MRPS31: variants seen among roughly 807,000 people sequenced by gnomAD.
The protein encoded by MRPS31 is mitochondrial ribosomal protein S31, also known as small ribosomal subunit protein mS31.
Under a neutral mutation model 43.1 loss-of-function variants are expected in MRPS31, and 32 were observed. The observed-to-expected ratio is 0.74, with a 90% confidence interval of 0.56 to 1.00. The LOEUF is 1.00. Among genes scored for constraint, MRPS31 ranks in the 50% least tolerant of loss-of-function variants. MRPS31 has a pLI of 0.00. For synonymous variants in MRPS31, 165 were observed against 161.6 expected, an observed-to-expected ratio of 1.02 and a Z score of -0.16; for missense variants, 437 against 466.7, an observed-to-expected ratio of 0.94 and a Z score of 0.59.
chr13:40,750,239 A>G (rs186732196), intron 5 of MRPS31, among the ~76,000 whole-genome samples: 2 of 152,312 alleles, frequency 1.3e-5, no homozygotes, highest in South Asian at 4.1e-4. Flanking sequence ...TGAATCTCAA[A>G]TCATTATGCT....
intron 2 of MRPS31, among the ~76,000 whole-genome samples, chr13:40,764,011 T>C (rs77473576): frequency 0.031 from 4,685 of 152,210 alleles, 338 homozygotes; most frequent in East Asian, 0.28. Context: ...TAGCTAAAGA[T>C]GAGTAGAGAA....
At chr13:40,760,151 A>C in intron 2 of MRPS31, among the ~76,000 whole-genome samples, 2 of 146,574 alleles carry the variant, frequency 1.4e-5, no homozygotes, top group African/African-American at 5.4e-5. Context: ...AAAAAAAAAA[A>C]AAAAACTGTA....
intron 5 of MRPS31, among the ~76,000 whole-genome samples, chr13:40,751,340 T>C (rs1346560660): frequency 1.3e-5 from 2 of 152,260 alleles, no homozygotes; most frequent in Admixed American, 1.3e-4. Context: ...TTGTTAAATA[T>C]GTACTATGTT....
At chr13:40,746,665 A>T (rs987311875) in intron 6 of MRPS31, among the ~76,000 whole-genome samples, 5 of 152,236 alleles carry the variant, frequency 3.3e-5, no homozygotes, top group African/African-American at 7.2e-5. Context: ...ACATACCATG[A>T]GTTCGTGCTT....
chr13:40,739,530 T>C (rs1202052326), intron 6 of MRPS31, among the ~76,000 whole-genome samples: 2 of 152,194 alleles, frequency 1.3e-5, no homozygotes, highest in African/African-American at 4.8e-5. Context: ...ACTACCTGAC[T>C]TCAAACTATA....
Position 40,758,970 on chromosome 13 carries a change from C to T in MRPS31, c.577G>A (p.Asp193Asn). 1 of 1,589,454 alleles carries T rather than the reference C, an allele frequency of 6.3e-7. No individual in the cohort carries two copies. Residue 193 changes from aspartate to asparagine, a missense_variant, in exon 3 of 7, where the codon GAT becomes AAT. Asp to Asn is a conservative substitution (Grantham distance 23). Coordinates refer to ENST00000323563, the MANE Select transcript of MRPS31 (RefSeq NM_005830.4). Reference sequence around the variant, plus strand: ...CACCTAATTTTAGGTCGCTTTGCATCTCTCTGTGCCCTTGACTCTTCCTCA... The same window carrying T: ...CACCTAATTTTAGGTCGCTTTGCATTTCTCTGTGCCCTTGACTCTTCCTCA... ...QHEEESRAQR[D>N]AKRPKISFSN...
intron 2 of MRPS31, among the ~76,000 whole-genome samples, chr13:40,760,116 G>A (rs1880649819): frequency 1.5e-5 from 2 of 130,154 alleles, no homozygotes; most frequent in African/African-American, 5.9e-5. Flanking sequence ...CAGCCTGGGT[G>A]TCAGAACTAG....
chr13:40,734,497 T>C (rs1458877442), intron 6 of MRPS31, among the ~76,000 whole-genome samples: 1 of 152,156 alleles, frequency 6.6e-6, no homozygotes, highest in East Asian at 1.9e-4. Flanking sequence ...GTAGGAAAAC[T>C]TAGCTAGAGA....
At chr13:40,759,141 A>G in intron 2 of MRPS31, 35 bp from the exon 3 acceptor site, 1 of 1,526,862 alleles carries the variant, frequency 6.5e-7, no homozygotes, top group Non-Finnish European at 8.8e-7. Context: ...TGAGAAAGAA[A>G]AAAAAAGAGA....
At chr13:40,758,734 C>T (rs1880604732) in intron 3 of MRPS31, among the ~76,000 whole-genome samples, 1 of 152,008 alleles carries the variant, frequency 6.6e-6, no homozygotes. Context: ...CTGTAACTTC[C>T]TAAAAGGAAA....
At chr13:40,750,562 T>C (rs1880357522) in intron 5 of MRPS31, among the ~76,000 whole-genome samples, 1 of 151,874 alleles carries the variant, frequency 6.6e-6, no homozygotes, top group Non-Finnish European at 1.5e-5. Flanking sequence ...AAAAAGAAAA[T>C]GAATATCAAT....
intron 6 of MRPS31, among the ~76,000 whole-genome samples, chr13:40,733,393 G>T (rs1218327660): frequency 6.6e-6 from 1 of 152,028 alleles, no homozygotes; most frequent in Non-Finnish European, 1.5e-5. Context: ...CCGGAGCATA[G>T]AACAAAAGGA....
intron 6 of MRPS31, among the ~76,000 whole-genome samples, chr13:40,733,445 C>T (rs559027784): frequency 7.2e-5 from 11 of 152,188 alleles, no homozygotes; most frequent in African/African-American, 2.6e-4. Context: ...TCAAATGATA[C>T]AAGAAAATTT....
chr13:40,768,805 C>T (rs1376656495), intron 1 of MRPS31, among the ~76,000 whole-genome samples: 5 of 152,158 alleles, frequency 3.3e-5, no homozygotes, highest in East Asian at 1.9e-4. Flanking sequence ...TCCCAGGTGA[C>T]GCTAACGCTG....
Position 40,757,010 on chromosome 13 carries a change from G to C in MRPS31, c.603C>G (p.Phe201Leu), listed in dbSNP as rs774882489. The C allele has an allele frequency of 6.2e-7, 1 of 1,603,162 alleles. No homozygotes were observed. Among genetic ancestry groups the C allele is most frequent in the South Asian group, 1.1e-5 (1 of 88,932 alleles). ...CTTTCATATCTGATATTATGTTACT[G>C]AAACTGAAATAATAAAAAGGTCAAG... ...QRDAKRPKIS[F>L]SNIISDMKVA... The change falls in exon 4 of 7, where the codon TTC becomes TTG. Residue 201 changes from phenylalanine to leucine, a missense_variant. Phe to Leu is a conservative substitution (Grantham distance 22, BLOSUM62 0). Coordinates refer to ENST00000323563, the MANE Select transcript of MRPS31 (RefSeq NM_005830.4).
At chr13:40,761,583 T>C (rs4941991) in intron 2 of MRPS31, among the ~76,000 whole-genome samples, 55,614 of 152,008 alleles carry the variant, frequency 0.37, 11,004 homozygotes, top group East Asian at 0.59. Flanking sequence ...AATTTTTACA[T>C]ACAGGGATCT....
At chr13:40,748,152 TTTTG>T (rs534343465) in intron 6 of MRPS31, among the ~76,000 whole-genome samples, 14 of 151,972 alleles carry the variant, frequency 9.2e-5, no homozygotes, top group East Asian at 7.7e-4. Flanking sequence ...ATGAATCTTT[TTTTG>T]TTTGTTTGTT....
chr13:40,749,273 G>A lies in MRPS31; in HGVS notation c.823C>T (p.Pro275Ser). ...GCAAATTCCACATCCCAAAGTGAAG[G>A]TGATGTGTCTACATAATAAAGACAT... ...TKEAPETDTSPSLWDVEFAKQ... is the reference protein window; with the variant it reads ...TKEAPETDTSSSLWDVEFAKQ... The change falls in exon 6 of 7, where the codon CCT (proline) becomes TCT (serine). Residue 275 changes from proline (P) to serine (S), a missense_variant. Pro to Ser is a moderately conservative substitution (Grantham distance 74). Transcript: ENST00000323563. 16 of 1,580,370 alleles carry A rather than the reference G, an allele frequency of 1.0e-5. No homozygotes were observed. The highest frequency in any genetic ancestry group is 1.4e-5 in the Non-Finnish European group (16 of 1,170,920).
In MRPS31 at chr13:40,754,023, T is replaced by C. The variant is rs200328691; in HGVS notation, c.810A>G (p.Glu270=). ...AGAGTGTTATTCTTAACAAACCTGT[T>C]TCAGGTGCTTCTTTAGTAACTGCCA... ...DMMAVTKEAP[E]TDTSPSLWDV... is the part of the protein sequence containing the mutation. Residue 270 remains glutamate (E), a synonymous_variant, in exon 5 of 7, where the codon GAA becomes GAG. Coordinates refer to ENST00000323563, the MANE Select transcript of MRPS31 (RefSeq NM_005830.4). 1.3e-5 allele frequency: 21 copies of C among 1,587,460 alleles called. No individual in the cohort carries two copies. The highest frequency in any genetic ancestry group is 1.8e-5 in the Non-Finnish European group (21 of 1,160,104).
Sources: gnomAD v4.1 joint callset for allele counts (sites outside exome capture counted in the v4.1 genomes callset) on GRCh38, gnomAD v4.1.1 for gene constraint, MANE v1.5 for transcripts, NCBI Gene and HGNC (gene_info 2026-07-23, HGNC 2026-07-21) for gene names.